Variants in CSMD1 observed in about 807,000 individuals in gnomAD.
CSMD1 encodes CUB and sushi domain-containing protein 1.
In CSMD1, 213 loss-of-function variants were observed where a neutral mutation model predicts 417.5. That is an observed-to-expected ratio of 0.51 (90% confidence interval 0.46 to 0.57). CSMD1 has a LOEUF of 0.57. Ranked by LOEUF, CSMD1 falls within the 20% of genes least tolerant of loss-of-function variation. The pLI is 0.00. For missense variants in CSMD1, 6,923 were observed against 4,529.7 expected (o/e 1.53, Z -15.17); for synonymous variants, 2,862 against 1,736.8 (o/e 1.65, Z -16.11).
chr8:3,854,968 T>C (rs1260977066), intron 5 of CSMD1, among the ~76,000 whole-genome samples: 1 of 152,056 alleles, frequency 6.6e-6, no homozygotes, highest in Admixed American at 6.6e-5. Context: ...ATAGCATACA[T>C]ACACACAAAT....
chr8:4,465,583 G>T (rs940031833), intron 2 of CSMD1, among the ~76,000 whole-genome samples: 1 of 152,126 alleles, frequency 6.6e-6, no homozygotes, highest in East Asian at 1.9e-4. Context: ...TTTTTCAGCA[G>T]GCCACTTAGA....
At chr8:3,350,415 T>C (rs1240893993) in intron 21 of CSMD1, among the ~76,000 whole-genome samples, 1 of 152,122 alleles carries the variant, frequency 6.6e-6, no homozygotes, top group Non-Finnish European at 1.5e-5. Flanking sequence ...TAGAATAGTT[T>C]ACAAACCAAA....
At position 3,219,529 on chromosome 8, in the gene CSMD1, T is replaced by C. The variant is rs557506441; in HGVS notation, c.4485-87A>G. 13 of 971,650 alleles carry C rather than the reference T, an allele frequency of 1.3e-5. No homozygotes were observed. The African/African-American group carries it at 1.9e-4, about 14-fold the overall frequency. The allele number at this position is 971,650 out of a possible 1,614,324, so 60.2% of individuals were successfully genotyped here. On this transcript the variant is annotated intron_variant, in intron 28 of 69. Transcript: ENST00000635120. ...AAGCCTTTGAGCTCAGAAAGTGATT[T>C]TATTTGCTTTTGTATAATGATTTTT...
At chr8:4,837,641 G>C (rs972907002) in intron 1 of CSMD1, among the ~76,000 whole-genome samples, 7 of 152,196 alleles carry the variant, frequency 4.6e-5, no homozygotes, top group East Asian at 1.9e-4. Flanking sequence ...TGGGGAGGTA[G>C]GGATAGTTAA....
Position 3,000,117 on chromosome 8 carries a change from A to C in CSMD1, c.8044T>G (p.Ser2682Ala). Residue 2682 changes from serine (S) to alanine (A), a missense_variant, in exon 53 of 70, where the codon TCC becomes GCC. Coordinates refer to ENST00000635120, the MANE Select transcript of CSMD1 (RefSeq NM_033225.6). ...ETRCLAGHCG[S>A]PDPIVNGHIS... The stretch of plus-strand genomic sequence containing the variant: ...TGACCGTTCACAATCGGGTCTGGGG[A>C]ACCGCAGTGGCCAGCTAAAAATGTT... 1 of 1,550,626 alleles carries C rather than the reference A, an allele frequency of 6.4e-7. No individual in the cohort carries two copies. Among genetic ancestry groups the C allele is most frequent in the Non-Finnish European group, 8.7e-7 (1 of 1,145,714 alleles).
At chr8:4,132,022 T>A (rs1173419558) in intron 3 of CSMD1, among the ~76,000 whole-genome samples, 1 of 152,022 alleles carries the variant, frequency 6.6e-6, no homozygotes, top group Non-Finnish European at 1.5e-5. Context: ...ACTATTTCTA[T>A]CAGAATCCCT....
intron 6 of CSMD1, among the ~76,000 whole-genome samples, chr8:3,750,368 A>G (rs1003356930): frequency 5.3e-5 from 8 of 150,038 alleles, no homozygotes; most frequent in African/African-American, 1.9e-4. Flanking sequence ...CAGGTTAAAT[A>G]TACGATATAT....
At chr8:3,596,613 C>T (rs930080725) in intron 8 of CSMD1, among the ~76,000 whole-genome samples, 1 of 152,156 alleles carries the variant, frequency 6.6e-6, no homozygotes, top group African/African-American at 2.4e-5. Flanking sequence ...GGGCTTATAT[C>T]TACACTTGGC....
intron 5 of CSMD1, among the ~76,000 whole-genome samples, chr8:3,777,197 A>G (rs1203924577): frequency 6.6e-6 from 1 of 151,452 alleles, no homozygotes; most frequent in African/African-American, 2.4e-5. Flanking sequence ...TACTTGTTAT[A>G]TTATGTTTAA....
chr8:4,537,631 A>G (rs1055345003), intron 2 of CSMD1, among the ~76,000 whole-genome samples: 3 of 152,166 alleles, frequency 2.0e-5, no homozygotes, highest in African/African-American at 7.2e-5. Context: ...TATTCTATAA[A>G]CATTTCAAAT....
At chr8:3,992,253 C>T (rs1814812123) in intron 5 of CSMD1, among the ~76,000 whole-genome samples, 1 of 151,992 alleles carries the variant, frequency 6.6e-6, no homozygotes, top group Non-Finnish European at 1.5e-5. Flanking sequence ...CACTTCTAAG[C>T]TCTATTTTTC....
At chr8:4,814,660 T>C (rs1320982786) in intron 1 of CSMD1, among the ~76,000 whole-genome samples, 1 of 152,310 alleles carries the variant, frequency 6.6e-6, no homozygotes, top group East Asian at 1.9e-4. Flanking sequence ...AGTAGGAGAC[T>C]TGGTGTATAT....
intron 4 of CSMD1, among the ~76,000 whole-genome samples, chr8:4,030,910 C>G (rs140111055): frequency 0.15 from 22,273 of 152,232 alleles, 2,289 homozygotes; most frequent in East Asian, 0.35. Flanking sequence ...CCACAACTCT[C>G]TAGGGCAGGG....
At chr8:3,572,933 T>C (rs1800003472) in intron 10 of CSMD1, among the ~76,000 whole-genome samples, 1 of 152,204 alleles carries the variant, frequency 6.6e-6, no homozygotes, top group Non-Finnish European at 1.5e-5. Flanking sequence ...AAACAGAATA[T>C]TCTAATTATT....
intron 1 of CSMD1, among the ~76,000 whole-genome samples, chr8:4,652,566 C>G (rs146432919): frequency 1.3e-5 from 2 of 151,850 alleles, no homozygotes. Flanking sequence ...GCAGGAGAAT[C>G]GCTTGAACCC....
chr8:4,206,029 C>A (rs1799957836), intron 3 of CSMD1, among the ~76,000 whole-genome samples: 1 of 152,058 alleles, frequency 6.6e-6, no homozygotes, highest in Non-Finnish European at 1.5e-5. Context: ...ATAGTTCCTC[C>A]CCATCCATGC....
At chr8:4,000,187 G>A (rs2627411) in intron 4 of CSMD1, among the ~76,000 whole-genome samples, 87,271 of 140,018 alleles carry the variant, frequency 0.62, 26,118 homozygotes, top group East Asian at 0.79. Context: ...CCAGCTCGCC[G>A]CAGTTTTTAT....
At chr8:3,017,036 C>G (rs1419859181) in intron 52 of CSMD1, among the ~76,000 whole-genome samples, 2 of 152,242 alleles carry the variant, frequency 1.3e-5, no homozygotes, top group East Asian at 1.9e-4. Context: ...AAAGCACCAA[C>G]GAAGGCCTTT....
intron 3 of CSMD1, among the ~76,000 whole-genome samples, chr8:4,127,414 C>A (rs1279985558): frequency 7.2e-6 from 1 of 137,940 alleles, no homozygotes; most frequent in African/African-American, 2.7e-5. Context: ...TCTAAACCAA[C>A]CACCTTTTCT....
Sources: allele counts gnomAD v4.1 joint callset (sites outside exome capture counted in the v4.1 genomes callset), GRCh38; gene constraint gnomAD v4.1.1; transcripts MANE v1.5; gene names NCBI Gene and HGNC (gene_info 2026-07-23, HGNC 2026-07-21).